DOCK1: variants seen among roughly 807,000 people sequenced by gnomAD.
DOCK1 encodes dedicator of cytokinesis protein 1.
Under a neutral mutation model 262.7 loss-of-function variants are expected in DOCK1, and 138 were observed. The observed-to-expected ratio is 0.53, with a 90% CI of 0.46 to 0.61. The LOEUF (loss-of-function observed/expected upper bound fraction) is 0.61, where lower values mean the gene tolerates loss of function less well. Among genes scored for constraint, DOCK1 ranks in the 20% least tolerant of loss-of-function variants. DOCK1 has a pLI of 0.00. For synonymous variants in DOCK1, 866 were observed against 867.4 expected, an observed-to-expected ratio of 1.00 and a Z score of 0.03; for missense variants, 1,908 against 2,370.7, an observed-to-expected ratio of 0.80 and a Z score of 4.05.
intron 27 of DOCK1, among the ~76,000 whole-genome samples, chr10:127,214,984 G>A (rs1376705734): frequency 6.6e-5 from 10 of 152,104 alleles, no homozygotes; most frequent in East Asian, 1.9e-4. Flanking sequence ...TCCGCCTCAC[G>A]TGCAGGATGG....
rs372635887 is a variant in DOCK1 at position 127,415,060 on chromosome 10, T to G, written c.4429-92T>G. On this transcript the variant is annotated intron_variant, in intron 43 of 51. Transcript: ENST00000623213. The stretch of plus-strand genomic sequence containing the variant: ...TGTCCTGCTGAAGGACCTGACTCCT[T>G]TGGAGTTATTCTATAAATCCCCCTT... 2.8e-3 allele frequency: 3,331 copies of G among 1,207,256 alleles called. 61 individuals are homozygous for G. In the African/African-American group the frequency reaches 0.043, roughly 15 times the overall value. The allele number at this position is 1,207,256 out of a possible 1,614,324, so 74.8% of individuals were successfully genotyped here.
chr10:127,072,697 A>T (rs2046300241), intron 23 of DOCK1, among the ~76,000 whole-genome samples: 1 of 152,154 alleles, frequency 6.6e-6, no homozygotes, highest in Non-Finnish European at 1.5e-5. Context: ...AAGTAATCCT[A>T]ATCCCTTCTG....
intron 49 of DOCK1, among the ~76,000 whole-genome samples, chr10:127,439,585 G>T (rs747721619): frequency 6.6e-6 from 1 of 152,160 alleles, no homozygotes; most frequent in Admixed American, 6.6e-5. Flanking sequence ...CTTGGTGTCC[G>T]CTAATGCCTT....
chr10:126,957,280 C>T (rs2036821983), intron 1 of DOCK1, among the ~76,000 whole-genome samples: 1 of 152,186 alleles, frequency 6.6e-6, no homozygotes, highest in African/African-American at 2.4e-5. Context: ...CTTCTCCCTC[C>T]TGGTTGCAGT....
chr10:127,431,223 C>A (rs191851933), intron 47 of DOCK1, among the ~76,000 whole-genome samples: 1 of 152,302 alleles, frequency 6.6e-6, no homozygotes, highest in African/African-American at 2.4e-5. Context: ...AGTCCCACCT[C>A]CCAGGACTGG....
At chr10:127,153,732 T>C in intron 27 of DOCK1, 1 of 736,138 alleles carries the variant, frequency 1.4e-6, no homozygotes, top group Admixed American at 2.2e-5. Context: ...TCAAGTAAGG[T>C]CCTTCACTTT....
At chr10:127,216,449 G>T (rs1488755713) in intron 27 of DOCK1, among the ~76,000 whole-genome samples, 1 of 152,152 alleles carries the variant, frequency 6.6e-6, no homozygotes, top group Non-Finnish European at 1.5e-5. Context: ...GACCACTCCT[G>T]CTTAGAGGGG....
At chr10:127,160,928 T>C (rs1009850748) in intron 27 of DOCK1, among the ~76,000 whole-genome samples, 1 of 152,244 alleles carries the variant, frequency 6.6e-6, no homozygotes, top group Non-Finnish European at 1.5e-5. Flanking sequence ...GTCAGCATCT[T>C]GAAGGGCTTT....
intron 29 of DOCK1, among the ~76,000 whole-genome samples, chr10:127,310,383 C>T (rs2062023265): frequency 6.6e-6 from 1 of 152,064 alleles, no homozygotes. Flanking sequence ...TCTGCCCCGG[C>T]AGCTGAGTGC....
intron 10 of DOCK1, among the ~76,000 whole-genome samples, chr10:127,007,806 C>T (rs1350207497): frequency 3.9e-5 from 6 of 152,170 alleles, no homozygotes; most frequent in Admixed American, 3.9e-4. Flanking sequence ...TTTGAGCATG[C>T]TTGTTCATGC....
At chr10:126,963,310 T>TA (rs1414295554) in intron 1 of DOCK1, among the ~76,000 whole-genome samples, 1 of 152,296 alleles carries the variant, frequency 6.6e-6, no homozygotes, top group East Asian at 1.9e-4. Context: ...TTAACAATAT[T>TA]AAGTCTCCCA....
intron 29 of DOCK1, among the ~76,000 whole-genome samples, chr10:127,323,684 T>C (rs1367479327): frequency 2.0e-5 from 3 of 152,192 alleles, no homozygotes; most frequent in Admixed American, 1.3e-4. Context: ...ACCTACGAGC[T>C]GAGTAACCTG....
In DOCK1 at chr10:127,100,941, CT is replaced by C. The variant is rs2048203166; in HGVS notation, c.2446-5286del. ...CAGAGGCTCGCAGGGCCTGGGGCTGCTTTTCCGGGTGAGAGGCTGGTGTGGG... is the reference window on the plus strand; with the variant it reads ...CAGAGGCTCGCAGGGCCTGGGGCTGCTTTCCGGGTGAGAGGCTGGTGTGGG... On this transcript the variant is annotated intron_variant, in intron 23 of 51. Transcript: ENST00000623213. This position sits in a 1 kb window ranked among gnomAD's most constrained non-coding sequence, Gnocchi z 5.5. Among the ~76,000 whole-genome samples the C allele has an allele frequency of 6.6e-6, 1 of 152,008 alleles. No individual in the cohort carries two copies. Among genetic ancestry groups the C allele is most frequent in the Admixed American group, 6.6e-5 (1 of 15,264 alleles).
In DOCK1 at chr10:127,013,186, C is replaced by T. The variant is rs1430053108; in HGVS notation, c.1201+812C>T. Reference sequence around the variant, plus strand: ...AGCCTTCCTAGGGATCTGCAGGGACCTCCAGCTTTCTTCTGGTGTGAACTA... The same window carrying T: ...AGCCTTCCTAGGGATCTGCAGGGACTTCCAGCTTTCTTCTGGTGTGAACTA... On this transcript the variant is annotated intron_variant, in intron 12 of 51. Coordinates refer to ENST00000623213, the MANE Select transcript of DOCK1 (RefSeq NM_001290223.2). Among the ~76,000 whole-genome samples, 3 of 152,214 alleles carry T rather than the reference C, an allele frequency of 2.0e-5. No homozygotes were observed. The East Asian group carries it at 5.8e-4, about 29-fold the overall frequency.
chr10:127,056,457 A>C (rs2045152377), intron 22 of DOCK1, among the ~76,000 whole-genome samples: 1 of 152,004 alleles, frequency 6.6e-6, no homozygotes, highest in African/African-American at 2.4e-5. Context: ...TGGCCTCCCA[A>C]AGTGCCAGGA....
intron 29 of DOCK1, among the ~76,000 whole-genome samples, chr10:127,261,333 G>A (rs1006833036): frequency 1.4e-5 from 2 of 141,278 alleles, no homozygotes; most frequent in Non-Finnish European, 3.0e-5. Context: ...GTGCATGTGG[G>A]TGTGCGTGTG....
intron 23 of DOCK1, 70 bp downstream of exon 23, chr10:127,061,846 G>T: frequency 2.5e-6 from 3 of 1,216,498 alleles, no homozygotes; most frequent in African/African-American, 1.6e-5. Context: ...TTGGAGGTAG[G>T]TATTTTGATT....
chr10:127,429,851 A>ACCGGC lies in DOCK1; in HGVS notation c.4915-3430_4915-3429insGGCCC, dbSNP rs1169327776. 8.2e-4 allele frequency among the ~76,000 whole-genome samples: 122 copies of ACCGGC among 149,638 alleles called. 2 individuals carry two copies. Among genetic ancestry groups the ACCGGC allele is most frequent in the African/African-American group, 1.8e-3 (73 of 39,518 alleles). Reference sequence around the variant, plus strand: ...GTTCGGCATTGGCCCCCGTGCCCTCACCAGCCCACAGCGTGCAGGAGGCAT... The same window carrying ACCGGC: ...GTTCGGCATTGGCCCCCGTGCCCTCACCGGCCCAGCCCACAGCGTGCAGGAGGCAT... On this transcript the variant is annotated intron_variant, in intron 47 of 51. Transcript: ENST00000623213.
At chr10:127,432,448 C>T (rs539818309) in intron 47 of DOCK1, among the ~76,000 whole-genome samples, 3 of 152,014 alleles carry the variant, frequency 2.0e-5, no homozygotes, top group African/African-American at 4.8e-5. Flanking sequence ...GGGAAGTCAA[C>T]GCCACACAGA....
Sources: gnomAD v4.1 joint callset for allele counts (sites outside exome capture counted in the v4.1 genomes callset) on GRCh38, gnomAD v4.1.1 for gene constraint, Gnocchi (gnomAD v3.1) non-coding constraint, MANE v1.5 for transcripts, NCBI Gene and HGNC (gene_info 2026-07-23, HGNC 2026-07-21) for gene names.